Variants in RDM1 observed in about 807,000 individuals in gnomAD.
RDM1 encodes RAD52 motif-containing protein 1.
A neutral mutation model predicts 27.7 loss-of-function variants in RDM1; 28 were observed. The observed-to-expected ratio is 1.01, with a 90% CI of 0.75 to 1.39. The LOEUF is 1.39. Ranked by LOEUF, RDM1 falls within the 40% of genes most tolerant of loss-of-function variation. The probability of loss-of-function intolerance (pLI) is 0.00; values close to 1 mark genes in which losing one functional copy is unlikely to be tolerated. For synonymous variants in RDM1, 124 were observed against 127.5 expected (o/e 0.97, Z 0.19); for missense variants, 277 against 337.3 (o/e 0.82, Z 1.40).
At chr17:35,928,504 T>C (rs1381057791) in intron 2 of RDM1, among the ~76,000 whole-genome samples, 1 of 152,160 alleles carries the variant, frequency 6.6e-6, no homozygotes, top group Non-Finnish European at 1.5e-5. Flanking sequence ...GGCTCACGCT[T>C]GTAATCCCAG....
chr17:35,924,034 A>G (rs929352407), intron 4 of RDM1, among the ~76,000 whole-genome samples: 1 of 151,948 alleles, frequency 6.6e-6, no homozygotes, highest in South Asian at 2.1e-4. Context: ...GACAACACAG[A>G]AAGACCCCAT....
In RDM1 at chr17:35,924,094, G is replaced by A. The variant is rs1311466555; in HGVS notation, c.568+510C>T. On this transcript the variant is annotated intron_variant, in intron 4 of 6. Coordinates refer to ENST00000620284, the MANE Select transcript of RDM1 (RefSeq NM_145654.4). ...TAATTAGGCAGGTGTGGTGGTGCAC[G>A]CCTGTAGTCCTCGCTACTCAAGAGG... Among the ~76,000 whole-genome samples the A allele has an allele frequency of 7.2e-5, 11 of 151,776 alleles. No individual in the cohort carries two copies. In the East Asian group the frequency reaches 9.7e-4, roughly 13 times the overall value.
chr17:35,926,795 T>G (rs2089168311), intron 2 of RDM1, among the ~76,000 whole-genome samples: 1 of 152,212 alleles, frequency 6.6e-6, no homozygotes, highest in South Asian at 2.1e-4. Flanking sequence ...TAGCTTATTC[T>G]TTTTTCATTT....
rs2141919352 is a variant in RDM1, at chr17:35,918,283, G to T, written c.*59C>A. 6.9e-7 allele frequency: 1 copy of T among 1,455,958 alleles called. No individual in the cohort carries two copies. 90.2% of individuals were successfully genotyped at this position (1,455,958 alleles called of 1,614,324 possible). A position where few individuals can be genotyped will look rare whatever the true frequency, so the allele number is the denominator to read the frequency against. The stretch of plus-strand genomic sequence containing the variant: ...ATAGTGGTGGGGCGGCGTGGGGTAG[G>T]GGCACGACAGAGCTTCCCAAGGAAG... On this transcript the variant is annotated 3_prime_UTR_variant, in exon 7 of 7. Coordinates refer to ENST00000620284, the MANE Select transcript of RDM1 (RefSeq NM_145654.4).
rs1306110115 is a variant in RDM1 at position 35,930,715 on chromosome 17, C to T, written c.13G>A (p.Val5Ile). 1.2e-6 allele frequency: 2 copies of T among 1,613,742 alleles called. No homozygotes were observed. The highest frequency in any genetic ancestry group is 1.7e-6 in the Non-Finnish European group (2 of 1,179,934). Residue 5 changes from valine to isoleucine, a missense_variant, in exon 1 of 7, where the codon GTA becomes ATA. Val to Ile is a conservative substitution (Grantham distance 29). Transcript: ENST00000620284. ...CTCTCGATGGGAACCGCAAAAGGTA[C>T]CAACTCCGCCATCCTCCCTTCACCG... MAEL[V>I]PFAVPIESDK...
rs570156220 is a variant in RDM1 at position 35,927,013 on chromosome 17, T to C, written c.277-1376A>G. ...TGTATCGTGAGTCACAGTGGAGCCT[T>C]TCCAGACAACCAGGAAGCTTCAGAA... On this transcript the variant is annotated intron_variant, in intron 2 of 6. Coordinates refer to ENST00000620284, the MANE Select transcript of RDM1 (RefSeq NM_145654.4). 2.7e-5 allele frequency among the ~76,000 whole-genome samples: 4 copies of C among 150,890 alleles called. No individual in the cohort carries two copies. In the South Asian group the frequency reaches 8.4e-4, roughly 32 times the overall value.
intron 6 of RDM1, among the ~76,000 whole-genome samples, chr17:35,918,999 C>G (rs2088842988): frequency 6.6e-6 from 1 of 152,184 alleles, no homozygotes; most frequent in Non-Finnish European, 1.5e-5. Flanking sequence ...AGGGATGGAT[C>G]TATTGTTATA....
intron 3 of RDM1, among the ~76,000 whole-genome samples, chr17:35,925,119 C>T (rs555256335): frequency 9.3e-4 from 142 of 151,940 alleles, no homozygotes; most frequent in Middle Eastern, 3.4e-3. Context: ...GATGACACAG[C>T]GAGCCTCTGT....
intron 6 of RDM1, among the ~76,000 whole-genome samples, chr17:35,919,922 C>T (rs1026901609): frequency 1.3e-5 from 2 of 152,146 alleles, no homozygotes; most frequent in Non-Finnish European, 2.9e-5. Context: ...ATCCCTAACT[C>T]CTGGGGGAAG....
Position 35,930,247 on chromosome 17 carries a change from CAG to C in RDM1, c.103_104del (p.Leu35ValfsTer31), listed in dbSNP as rs766177028. On this transcript the variant is annotated frameshift_variant, in exon 2 of 7. Transcript: ENST00000620284. LOFTEE classifies it high-confidence loss of function. Reference sequence around the variant, plus strand: ...GGCCAAACTGAGAAAATGCTGTGAACAGAGAATGCTGTGGGGGTGGGACAAGT... The same window carrying C: ...GGCCAAACTGAGAAAATGCTGTGAACAGAATGCTGTGGGGGTGGGACAAGT... ...GPTAEALHHS[L>X]FTAFSQFGLL... The C allele has an allele frequency of 8.1e-6, 13 of 1,613,998 alleles. No individual in the cohort carries two copies. The highest frequency in any genetic ancestry group is 1.1e-5 in the Non-Finnish European group (13 of 1,180,038).
intron 5 of RDM1, among the ~76,000 whole-genome samples, chr17:35,921,910 TA>T (rs1172537441): frequency 1.3e-5 from 2 of 148,776 alleles, no homozygotes; most frequent in Non-Finnish European, 3.0e-5. Context: ...AAAATTGCAT[TA>T]AAAAATCTTT....
At chr17:35,928,757 T>C (rs979307340) in intron 2 of RDM1, among the ~76,000 whole-genome samples, 1 of 139,896 alleles carries the variant, frequency 7.1e-6, no homozygotes, top group Non-Finnish European at 1.5e-5. Context: ...AGCGAAACTC[T>C]GTCTTTAAAA....
intron 1 of RDM1, 145 bp from the exon 2 acceptor site, chr17:35,930,400 C>T: frequency 8.6e-7 from 1 of 1,169,438 alleles, no homozygotes; most frequent in Non-Finnish European, 1.2e-6. Flanking sequence ...CTCTTAAAAT[C>T]CTAAACTTTA....
intron 4 of RDM1, among the ~76,000 whole-genome samples, chr17:35,923,504 C>A (rs1006446435): frequency 1.3e-5 from 2 of 151,472 alleles, no homozygotes; most frequent in African/African-American, 4.9e-5. Flanking sequence ...AAAAATACAA[C>A]CACAAGAAAA....
chr17:35,925,929 T>C (rs1384666883), intron 2 of RDM1, among the ~76,000 whole-genome samples: 2 of 151,998 alleles, frequency 1.3e-5, no homozygotes, highest in Non-Finnish European at 2.9e-5. Context: ...AGTCAGGATA[T>C]CGAGACCATC....
At chr17:35,928,195 A>G (rs765053658) in intron 2 of RDM1, among the ~76,000 whole-genome samples, 3 of 152,224 alleles carry the variant, frequency 2.0e-5, no homozygotes, top group Non-Finnish European at 4.4e-5. Context: ...TGGTCCTTGA[A>G]AAGGGAAAGA....
intron 6 of RDM1, among the ~76,000 whole-genome samples, chr17:35,919,703 G>A (rs1451350432): frequency 6.6e-6 from 1 of 152,178 alleles, no homozygotes; most frequent in African/African-American, 2.4e-5. Context: ...GCACATGATT[G>A]TAACTGATTT....
At chr17:35,923,410 C>T (rs993931448) in intron 4 of RDM1, among the ~76,000 whole-genome samples, 1 of 148,220 alleles carries the variant, frequency 6.7e-6, no homozygotes, top group African/African-American at 2.5e-5. Flanking sequence ...AATCCCAGCA[C>T]TTTGGGAGGC....
chr17:35,922,670 A>T lies in RDM1; in HGVS notation c.574T>A (p.Leu192Ile). 6.2e-7 allele frequency: 1 copy of T among 1,604,786 alleles called. No individual in the cohort carries two copies. Among genetic ancestry groups the T allele is most frequent in the Non-Finnish European group, 8.5e-7 (1 of 1,177,716 alleles). Residue 192 changes from leucine to isoleucine, a missense_variant, in exon 5 of 7, where the codon TTA (leucine) becomes ATA (isoleucine). Physicochemically the swap from Leu to Ile is conservative, Grantham distance 5. Coordinates refer to ENST00000620284, the MANE Select transcript of RDM1 (RefSeq NM_145654.4). Reference sequence around the variant, plus strand: ...GTCTTCCTTTTCATAAGGAATGATAATGGTCCTAAATCCAACCAAAACAAA... The same window carrying T: ...GTCTTCCTTTTCATAAGGAATGATATTGGTCCTAAATCCAACCAAAACAAA... ...EPMDKVEEGP[L>I]SFLMKRKTAQ...
Sources: allele counts gnomAD v4.1 joint callset (sites outside exome capture counted in the v4.1 genomes callset), GRCh38; gene constraint gnomAD v4.1.1; transcripts MANE v1.5; gene names NCBI Gene and HGNC (gene_info 2026-07-23, HGNC 2026-07-21).